Variants in FNDC1 observed in about 807,000 individuals in gnomAD.
FNDC1 encodes the protein fibronectin type III domain containing 1, also known as fibronectin type III domain-containing protein 1.
A neutral mutation model predicts 168.0 loss-of-function variants in FNDC1; 96 were observed. The ratio of observed to expected loss-of-function variants is 0.57; its 90% CI spans 0.48 to 0.68. The LOEUF is 0.68. FNDC1 is among the 30% of genes least tolerant of loss of function. FNDC1 has a pLI of 0.00. For missense variants in FNDC1, 2,587 were observed against 2,482.1 expected, an observed-to-expected ratio of 1.04 and a Z score of -0.90; for synonymous variants, 1,099 against 1,025.9, an observed-to-expected ratio of 1.07 and a Z score of -1.36.
At chr6:159,192,434 G>A (rs958360102) in intron 1 of FNDC1, among the ~76,000 whole-genome samples, 2 of 152,280 alleles carry the variant, frequency 1.3e-5, no homozygotes, top group Middle Eastern at 3.4e-3. Context: ...TTTATTCACT[G>A]ATTCTGAACC....
chr6:159,238,478 A>G lies in FNDC1; in HGVS notation c.4069-76A>G. On this transcript the variant is annotated intron_variant, in intron 12 of 22. Transcript: ENST00000297267. ...TTCCTTCTGTGGAAGCTTCAGGGGT[A>G]TATACATATATAATTGGACTAATGT... The G allele has an allele frequency of 3.3e-6, 3 of 908,676 alleles. No individual in the cohort carries two copies. In the South Asian group the frequency reaches 4.8e-5, roughly 15 times the overall value. 56.3% of individuals were successfully genotyped at this position (908,676 alleles called of 1,614,324 possible). A position where few individuals can be genotyped will look rare whatever the true frequency, so the allele number is the denominator to read the frequency against.
At chr6:159,227,260 C>A (rs531841838) in intron 9 of FNDC1, among the ~76,000 whole-genome samples, 1 of 152,268 alleles carries the variant, frequency 6.6e-6, no homozygotes, top group African/African-American at 2.4e-5. Flanking sequence ...TTTTAAAGAG[C>A]CATGCTGAAG....
In FNDC1 at chr6:159,169,926, G is replaced by T. The variant is rs1443684454; in HGVS notation, c.109+221G>T. 4 of 222,090 alleles carry T rather than the reference G, an allele frequency of 1.8e-5. 1 individual carries two copies. Among genetic ancestry groups the T allele is most frequent in the Non-Finnish European group, 3.5e-5 (4 of 115,240 alleles). 13.8% of individuals were successfully genotyped at this position (222,090 alleles called of 1,614,324 possible). ...CGCGCTGGCGTTTAACTTTGCCGTC[G>T]CCCGCCTTGGAGTCGGGAGGCTCCA... On this transcript the variant is annotated intron_variant, in intron 1 of 22. Coordinates refer to ENST00000297267, the MANE Select transcript of FNDC1 (RefSeq NM_032532.3). The surrounding 1 kb of genome is among the most constrained non-coding windows in gnomAD (Gnocchi z 6.8).
In FNDC1 at chr6:159,234,283, C is replaced by G; in HGVS notation, c.3771C>G (p.Val1257=). ...GCAGCTCCCCCAGGGCCTCCCACGT[C>G]CCTTCCCGACTGCCGCCTCGCAGCG... ...PPGSSPRASH[V]PSRLPPRSAA... is the part of the protein sequence containing the mutation. Residue 1257 remains valine, a synonymous_variant, in exon 11 of 23, where the codon GTC becomes GTG. Coordinates refer to ENST00000297267, the MANE Select transcript of FNDC1 (RefSeq NM_032532.3). The G allele has an allele frequency of 6.2e-7, 1 of 1,600,136 alleles. No homozygotes were observed. Among genetic ancestry groups the G allele is most frequent in the East Asian group, 2.3e-5 (1 of 44,170 alleles).
chr6:159,191,626 A>T (rs1440531612), intron 1 of FNDC1, among the ~76,000 whole-genome samples: 3 of 152,218 alleles, frequency 2.0e-5, no homozygotes, highest in Non-Finnish European at 4.4e-5. Context: ...TCACAGAATT[A>T]AAAAATGTAA....
At chr6:159,268,990 TTATC>T (rs55912617) in intron 22 of FNDC1, among the ~76,000 whole-genome samples, 23,339 of 107,082 alleles carry the variant, frequency 0.22, 2,033 homozygotes, top group East Asian at 0.41. Context: ...ATGTATCTAT[TTATC>T]CATCCATCCA....
At chr6:159,242,048 G>T (rs1783433058) in intron 14 of FNDC1, among the ~76,000 whole-genome samples, 1 of 152,068 alleles carries the variant, frequency 6.6e-6, no homozygotes, top group African/African-American at 2.4e-5. Flanking sequence ...GTTCATTGCA[G>T]CACTATTCAC....
intron 9 of FNDC1, 79 bp downstream of exon 9, chr6:159,226,659 A>G: frequency 8.9e-7 from 1 of 1,126,878 alleles, no homozygotes; most frequent in East Asian, 2.7e-5. Flanking sequence ...TGTTGACTGA[A>G]AAAGAAATAG....
chr6:159,222,984 ATTTTTTTTTTTTTTT>A (rs201310702), intron 6 of FNDC1, among the ~76,000 whole-genome samples: 6 of 116,776 alleles, frequency 5.1e-5, no homozygotes, highest in Non-Finnish European at 4.1e-5. Flanking sequence ...TGAAATACTC[ATTTTTTTTTTTTTTT>A]TTTTTTTTTT....
At chr6:159,213,707 A>C (rs529913780) in intron 4 of FNDC1, among the ~76,000 whole-genome samples, 180 of 152,314 alleles carry the variant, frequency 1.2e-3, no homozygotes, top group Middle Eastern at 3.4e-3. Flanking sequence ...AAAACAAAAA[A>C]AAAAAAACCT....
In FNDC1 at chr6:159,233,302, A is replaced by T. The variant is rs754429302; in HGVS notation, c.2790A>T (p.Lys930Asn). The change falls in exon 11 of 23, where the codon AAA (lysine) becomes AAT (asparagine). Residue 930 changes from lysine (K) to asparagine (N), a missense_variant. Physicochemically the swap from Lys to Asn is moderately conservative, Grantham distance 94 (BLOSUM62 0). Coordinates refer to ENST00000297267, the MANE Select transcript of FNDC1 (RefSeq NM_032532.3). The surrounding 1 kb of genome is among the most constrained non-coding windows in gnomAD (Gnocchi z 4.6). ...HRKEPIPENP[K>N]STGADTHPQG... ...AGGAACCCATCCCAGAGAACCCCAA[A>T]TCCACAGGGGCAGATACACATCCTC... The T allele has an allele frequency of 4.3e-6, 7 of 1,613,654 alleles. No homozygotes were observed. The highest frequency in any genetic ancestry group is 5.9e-6 in the Non-Finnish European group (7 of 1,179,836).
intron 1 of FNDC1, among the ~76,000 whole-genome samples, chr6:159,182,974 G>A (rs1342164501): frequency 6.6e-6 from 1 of 152,234 alleles, no homozygotes; most frequent in Non-Finnish European, 1.5e-5. Flanking sequence ...GCTGTGTGCG[G>A]AGGGAGAATT....
rs185448823 is a variant in FNDC1, at chr6:159,249,265, C to T, written c.4834+83C>T. 4.6e-5 allele frequency: 63 copies of T among 1,367,256 alleles called. No homozygotes were observed. In the African/African-American group the frequency reaches 5.0e-4, roughly 11 times the overall value. The allele number at this position is 1,367,256 out of a possible 1,614,324, so 84.7% of individuals were successfully genotyped here. A position where few individuals can be genotyped will look rare whatever the true frequency, so the allele number is the denominator to read the frequency against. ...AAAAACATTACTAATCTTTTGGCCT[C>T]GCCAAGGCAGTGCATTTTGAGAAGT... On this transcript the variant is annotated intron_variant, in intron 16 of 22. Transcript: ENST00000297267.
intron 1 of FNDC1, among the ~76,000 whole-genome samples, chr6:159,195,405 A>AGGTGGGGTGGAGGGT (rs1782222997): frequency 1.7e-5 from 1 of 57,584 alleles, no homozygotes; most frequent in Non-Finnish European, 3.3e-5. Flanking sequence ...TGGTGGGGGA[A>AGGTGGGGTGGAGGGT]GGTGGGGTGG....
rs56323405 is a variant in FNDC1 at position 159,269,571 on chromosome 6, T to C, written c.5569+1645T>C. ...CCATCCATCCATCCATCCATCCATC[T>C]ATCCTATCTGTCTGTCTGTCTGTCT... On this transcript the variant is annotated intron_variant, in intron 22 of 22. Transcript: ENST00000297267. 5.4e-3 allele frequency among the ~76,000 whole-genome samples: 473 copies of C among 87,026 alleles called. 8 individuals carry two copies. The highest frequency in any genetic ancestry group is 0.016 in the Admixed American group (131 of 7,948). The allele number at this position is 87,026 out of a possible 152,430, so 57.1% of individuals were successfully genotyped here.
At chr6:159,179,069 G>A (rs547124513) in intron 1 of FNDC1, among the ~76,000 whole-genome samples, 5 of 152,316 alleles carry the variant, frequency 3.3e-5, no homozygotes, top group African/African-American at 9.6e-5. Context: ...TTTGGCCTCC[G>A]GCCTCCTGGC....
intron 1 of FNDC1, among the ~76,000 whole-genome samples, chr6:159,196,106 G>C (rs933541717): frequency 1.2e-4 from 19 of 152,280 alleles, no homozygotes; most frequent in Middle Eastern, 3.4e-3. Flanking sequence ...AAAATGATTG[G>C]TGTCTTCATA....
In FNDC1 at chr6:159,232,436, A is replaced by C; in HGVS notation, c.1924A>C (p.Asn642His). 1 of 1,611,748 alleles carries C rather than the reference A, an allele frequency of 6.2e-7. No homozygotes were observed. Among genetic ancestry groups the C allele is most frequent in the Non-Finnish European group, 8.5e-7 (1 of 1,178,498 alleles). Residue 642 changes from asparagine to histidine, a missense_variant, in exon 11 of 23, where the codon AAC (asparagine) becomes CAC (histidine). By Grantham distance (68) the Asn-to-His change is moderately conservative (BLOSUM62 1). Transcript: ENST00000297267. The surrounding 1 kb of genome is among the most constrained non-coding windows in gnomAD (Gnocchi z 4.9). ...TTCCCTGCCTGCCAGCTTGAATGAC[A>C]ACGACTTGGTGGACTCAGACGAAGA... The part of the protein sequence containing the change: ...RPSLPASLND[N>H]DLVDSDEDER...
At chr6:159,196,697 A>G (rs1016760097) in intron 1 of FNDC1, among the ~76,000 whole-genome samples, 4 of 152,196 alleles carry the variant, frequency 2.6e-5, no homozygotes, top group African/African-American at 9.7e-5. Context: ...ATGTTGCATT[A>G]CAATATCAGT....
Sources: gnomAD v4.1 joint callset for allele counts (sites outside exome capture counted in the v4.1 genomes callset) on GRCh38, gnomAD v4.1.1 for gene constraint, Gnocchi (gnomAD v3.1) non-coding constraint, MANE v1.5 for transcripts, NCBI Gene and HGNC (gene_info 2026-07-23, HGNC 2026-07-21) for gene names.